Variants in MBNL2 observed in about 807,000 individuals in gnomAD.
The protein encoded by MBNL2 is muscleblind like splicing regulator 2.
In MBNL2, 17 loss-of-function variants were observed where a neutral mutation model predicts 41.9. The ratio of observed to expected loss-of-function variants is 0.41; its 90% confidence interval spans 0.28 to 0.61. The LOEUF is 0.61. Ranked by LOEUF, MBNL2 falls within the 20% of genes least tolerant of loss-of-function variation. The probability of loss-of-function intolerance (pLI) is 0.35; values close to 1 mark genes in which losing one functional copy is unlikely to be tolerated. For missense variants in MBNL2, 336 were observed against 505.6 expected (o/e 0.66, Z 3.22); for synonymous variants, 195 against 182.9 (o/e 1.07, Z -0.53).
At chr13:97,222,860 C>T (rs931887056) in intron 1 of MBNL2, among the ~76,000 whole-genome samples, 7 of 152,032 alleles carry the variant, frequency 4.6e-5, no homozygotes, top group Non-Finnish European at 1.0e-4. Context: ...ATTGCCATAG[C>T]TAGTTCCCAA....
chr13:97,263,125 C>T (rs1375564084), intron 1 of MBNL2, among the ~76,000 whole-genome samples: 1 of 152,098 alleles, frequency 6.6e-6, no homozygotes, highest in Non-Finnish European at 1.5e-5. Context: ...CTACACGCCT[C>T]ATTCCCAATC....
the MBNL2 span, among the ~76,000 whole-genome samples, chr13:97,148,046 G>T: frequency 6.6e-6 from 1 of 152,184 alleles, no homozygotes; most frequent in African/African-American, 2.4e-5. Flanking sequence ...TTGGAAAGAA[G>T]AGGAGTCGGC....
chr13:97,203,943 CGGATGGATGGACAGAT>C, the MBNL2 span, among the ~76,000 whole-genome samples: 3 of 151,484 alleles, frequency 2.0e-5, no homozygotes, highest in Admixed American at 1.3e-4. Context: ...GATGGACAGA[CGGATGGATGGACAGAT>C]GGATGGTTGG....
the MBNL2 span, among the ~76,000 whole-genome samples, chr13:97,163,344 A>C: frequency 6.6e-6 from 1 of 152,196 alleles, no homozygotes; most frequent in Non-Finnish European, 1.5e-5. Flanking sequence ...GGCTTTCCCT[A>C]GAGCAGCCTT....
intron 2 of MBNL2, among the ~76,000 whole-genome samples, chr13:97,325,252 T>C (rs2059817316): frequency 6.6e-6 from 1 of 152,040 alleles, no homozygotes; most frequent in South Asian, 2.1e-4. Flanking sequence ...TGATGGGCTA[T>C]TTTTAGTCTC....
At chr13:97,217,775 G>A (rs943902736), upstream of MBNL2, among the ~76,000 whole-genome samples, 1 of 152,136 alleles carries the variant, frequency 6.6e-6, no homozygotes, top group Non-Finnish European at 1.5e-5. Flanking sequence ...TTAAAAAGAT[G>A]ATTTTGGCTG....
intron 1 of MBNL2, among the ~76,000 whole-genome samples, chr13:97,242,928 C>A (rs1292367235): frequency 6.6e-6 from 1 of 152,174 alleles, no homozygotes; most frequent in African/African-American, 2.4e-5. Context: ...AAATGAAAGC[C>A]GACTGAGCAG....
rs189771366 is a variant in MBNL2 at position 97,248,755 on chromosome 13, G to A, written c.-605+26224G>A. Among the ~76,000 whole-genome samples the A allele has an allele frequency of 4.7e-3, 717 of 152,206 alleles. 1 individual carries two copies. Among genetic ancestry groups the A allele is most frequent in the South Asian group, 0.023 (112 of 4,822 alleles). On this transcript the variant is annotated intron_variant, in intron 1 of 8. Transcript: ENST00000679496. ...TCCTATAAAATCAGATAAAGAAAAG[G>A]TGGGACAAAATCCTAAATGTAATGT...
At chr13:97,191,913 T>C in the MBNL2 span, among the ~76,000 whole-genome samples, 1 of 152,236 alleles carries the variant, frequency 6.6e-6, no homozygotes, top group Admixed American at 6.5e-5. Context: ...GTTTCACCCA[T>C]GCATCGAACA....
the MBNL2 span, among the ~76,000 whole-genome samples, chr13:97,192,991 T>A: frequency 2.6e-5 from 4 of 152,212 alleles, no homozygotes; most frequent in African/African-American, 7.2e-5. Context: ...GCTATTTTGA[T>A]GTGATAGCTT....
chr13:97,169,652 C>CT, the MBNL2 span, among the ~76,000 whole-genome samples: 2 of 152,188 alleles, frequency 1.3e-5, no homozygotes, highest in Non-Finnish European at 2.9e-5. Context: ...GATCTTCCTC[C>CT]TTCCCAGGGC....
intron 1 of MBNL2, among the ~76,000 whole-genome samples, chr13:97,227,013 CCCCCTTTTTCCTTAA>C (rs2152770486): frequency 6.7e-6 from 1 of 149,814 alleles, no homozygotes; most frequent in South Asian, 2.1e-4. Context: ...ATTTCGCTTT[CCCCCTTTTTCCTTAA>C]AAGCAGAGTT....
At chr13:97,352,035 TATAAATAAATAA>T (rs146632066) in intron 5 of MBNL2, among the ~76,000 whole-genome samples, 8 of 148,728 alleles carry the variant, frequency 5.4e-5, no homozygotes, top group South Asian at 2.1e-4. Flanking sequence ...AAAATAAAAA[TATAAATAAATAA>T]ATAAATAAAT....
chr13:97,194,431 A>T, the MBNL2 span, among the ~76,000 whole-genome samples: 2 of 152,216 alleles, frequency 1.3e-5, no homozygotes, highest in South Asian at 4.1e-4. Context: ...CCTTTGGCAA[A>T]CAAGACCCCT....
At chr13:97,356,469 A>G (rs752749774) in intron 5 of MBNL2, among the ~76,000 whole-genome samples, 17 of 152,114 alleles carry the variant, frequency 1.1e-4, no homozygotes, top group Non-Finnish European at 1.6e-4. Context: ...TGTGTATGCA[A>G]GCTGCTGTTT....
intron 5 of MBNL2, among the ~76,000 whole-genome samples, chr13:97,352,786 T>C (rs2062619653): frequency 6.6e-6 from 1 of 152,260 alleles, no homozygotes; most frequent in African/African-American, 2.4e-5. Context: ...CCTATGCCTG[T>C]ACTTATTAAC....
chr13:97,366,766 ACT>A lies in MBNL2; in HGVS notation c.1048+1596_1048+1597del. The A allele has an allele frequency of 1.6e-6, 1 of 630,346 alleles. No individual in the cohort carries two copies. The allele number at this position is 630,346 out of a possible 1,614,324, so 39.0% of individuals were successfully genotyped here. A position where few individuals can be genotyped will look rare whatever the true frequency, so the allele number is the denominator to read the frequency against. ...ATGATGTAGCTATGTTTTGTGTTGCACTGTTTGTTTTCGTACCTAATATTGTG... is the reference window on the plus strand; with the variant it reads ...ATGATGTAGCTATGTTTTGTGTTGCAGTTTGTTTTCGTACCTAATATTGTG... On this transcript the variant is annotated intron_variant, in intron 8 of 8. Transcript: ENST00000679496. The surrounding 1 kb of genome is among the most constrained non-coding windows in gnomAD (Gnocchi z 4.7).
chr13:97,295,572 A>C (rs990909046), intron 2 of MBNL2, among the ~76,000 whole-genome samples: 1 of 152,180 alleles, frequency 6.6e-6, no homozygotes, highest in East Asian at 1.9e-4. Context: ...AGTTTGTTAC[A>C]TATCAAAAGG....
chr13:97,346,993 A>T lies in MBNL2; in HGVS notation c.730A>T (p.Ile244Phe). Residue 244 changes from isoleucine (I) to phenylalanine (F), a missense_variant, in exon 5 of 9, where the codon ATC becomes TTC. Ile to Phe is a conservative substitution (Grantham distance 21). Transcript: ENST00000679496. This position sits in a 1 kb window ranked among gnomAD's most constrained non-coding sequence, Gnocchi z 4.2. ...FHPPAHLQAK[I>F]KAAQHQANQA... ...CCCTCCTGCACACTTGCAGGCCAAA[A>T]TCAAAGCTGCGCAGCACCAAGCCAA... 2 of 1,613,634 alleles carry T rather than the reference A, an allele frequency of 1.2e-6. No homozygotes were observed. Among genetic ancestry groups the T allele is most frequent in the South Asian group, 2.2e-5 (2 of 91,082 alleles).
Sources: gnomAD v4.1 joint callset for allele counts (sites outside exome capture counted in the v4.1 genomes callset) on GRCh38, gnomAD v4.1.1 for gene constraint, Gnocchi (gnomAD v3.1) non-coding constraint, MANE v1.5 for transcripts, NCBI Gene and HGNC (gene_info 2026-07-23, HGNC 2026-07-21) for gene names.